The following THOC2 variants were observed in gnomAD, a reference collection of about 807,000 sequenced individuals.
THOC2 encodes THO complex 2.
A neutral mutation model predicts 128.4 loss-of-function variants in THOC2; 10 were observed. The observed-to-expected ratio is 0.08, with a 90% CI of 0.05 to 0.13. The LOEUF (loss-of-function observed/expected upper bound fraction) is 0.13. Among genes scored for constraint, THOC2 ranks in the 10% least tolerant of loss-of-function variants. THOC2 has a pLI of 1.00. For missense variants in THOC2, 535 were observed against 1,155.7 expected, an observed-to-expected ratio of 0.46 and a Z score of 7.79; for synonymous variants, 393 against 396.9, an observed-to-expected ratio of 0.99 and a Z score of 0.12.
Position 123,644,607 on chromosome X carries a change from A to G in THOC2, c.1629T>C (p.Ala543=). 8.3e-7 allele frequency: 1 copy of G among 1,203,296 alleles called. No homozygotes were observed. Residue 543 remains alanine, a synonymous_variant, in exon 15 of 39, where the codon GCT becomes GCC. Transcript: ENST00000245838. ...NSHPLLVKVK[A]QTIDRAKYIM... ...TATATTTGGCTCTGTCTATTGTTTGAGCTTTAACTTTTACTAAAAGTGGGT... is the reference window on the plus strand; with the variant it reads ...TATATTTGGCTCTGTCTATTGTTTGGGCTTTAACTTTTACTAAAAGTGGGT...
In THOC2 at chrX:123,727,583, T is replaced by C. The variant is rs2052048200; in HGVS notation, c.71+5369A>G. 2.7e-5 allele frequency among the ~76,000 whole-genome samples: 3 copies of C among 112,131 alleles called. No individual in the cohort carries two copies. The South Asian group carries it at 1.1e-3, about 41-fold the overall frequency. On this transcript the variant is annotated intron_variant, in intron 1 of 38. Coordinates refer to ENST00000245838, the MANE Select transcript of THOC2 (RefSeq NM_001081550.2). Reference sequence around the variant, plus strand: ...CCTTAATAACTTTCAAATACTTGAGTTTACCATTTTTCCACTTTTTAATTT... The same window carrying C: ...CCTTAATAACTTTCAAATACTTGAGCTTACCATTTTTCCACTTTTTAATTT...
chrX:123,632,659 C>T (rs2047531662), intron 21 of THOC2, among the ~76,000 whole-genome samples: 1 of 110,785 alleles, frequency 9.0e-6, no homozygotes, highest in Non-Finnish European at 1.9e-5. Context: ...AATTGACAGC[C>T]TTACATATAA....
intron 4 of THOC2, among the ~76,000 whole-genome samples, chrX:123,698,406 C>T (rs1198006219): frequency 9.7e-6 from 1 of 102,855 alleles, no homozygotes; most frequent in African/African-American, 3.6e-5. Flanking sequence ...TGCAGTGAGC[C>T]GAGATCGTGC....
intron 32 of THOC2, chrX:123,620,589 C>A (rs1288240014): frequency 1.9e-5 from 4 of 210,069 alleles, no homozygotes; most frequent in Non-Finnish European, 2.6e-5. Flanking sequence ...TGAAAAGATT[C>A]GTTTGCTTGT....
rs764007587 is a variant in THOC2, at chrX:123,696,702, A to T, written c.467+19T>A. ...CATACTCAGATACTTGATCTGCAAC[A>T]TAAGATACGTGTACTTACAAGAGTT... On this transcript the variant is annotated intron_variant, in intron 6 of 38. Coordinates refer to ENST00000245838, the MANE Select transcript of THOC2 (RefSeq NM_001081550.2). 8.4e-6 allele frequency: 10 copies of T among 1,191,118 alleles called. No homozygotes were observed. The highest frequency in any genetic ancestry group is 1.1e-5 in the Non-Finnish European group (10 of 886,061).
At chrX:123,665,212 C>A (rs2049002100) in intron 12 of THOC2, among the ~76,000 whole-genome samples, 2 of 111,720 alleles carry the variant, frequency 1.8e-5, no homozygotes, top group Admixed American at 1.9e-4. Flanking sequence ...TCATGGCTGT[C>A]CTAACATCTT....
intron 1 of THOC2, among the ~76,000 whole-genome samples, chrX:123,730,867 G>A (rs1209058258): frequency 3.6e-5 from 4 of 111,915 alleles, no homozygotes; most frequent in Non-Finnish European, 7.5e-5. Context: ...TCGCTTGAAC[G>A]TGGGAGGCGG....
chrX:123,627,418 C>G (rs770502714), intron 23 of THOC2, among the ~76,000 whole-genome samples: 3 of 111,596 alleles, frequency 2.7e-5, no homozygotes, highest in Non-Finnish European at 5.6e-5. Context: ...AGAACTACTG[C>G]TCTTGCTATT....
intron 12 of THOC2, among the ~76,000 whole-genome samples, chrX:123,661,363 C>T (rs1263190019): frequency 5.4e-5 from 6 of 110,339 alleles, no homozygotes; most frequent in Non-Finnish European, 7.6e-5. Flanking sequence ...CGAGGTCGCG[C>T]CATTGCACTC....
At position 123,627,680 on chromosome X, in the gene THOC2, A is replaced by G; in HGVS notation, c.2757+13T>C. 15 of 1,208,844 alleles carry G rather than the reference A, an allele frequency of 1.2e-5. No homozygotes were observed. Among genetic ancestry groups the G allele is most frequent in the Non-Finnish European group, 1.7e-5 (15 of 893,273 alleles). On this transcript the variant is annotated intron_variant, in intron 23 of 38. Coordinates refer to ENST00000245838, the MANE Select transcript of THOC2 (RefSeq NM_001081550.2). ...AAAGTTATTGCACTTGAACTACTAG[A>G]ACAAAAACCTACCATTTCCTGATTG...
intron 2 of THOC2, among the ~76,000 whole-genome samples, chrX:123,708,087 ATT>A (rs1032795039): frequency 1.0e-4 from 11 of 110,479 alleles, no homozygotes; most frequent in Admixed American, 3.9e-4. Flanking sequence ...TGATAGCACC[ATT>A]GTCTCAAAAA....
At chrX:123,603,492 G>C in intron 38 of THOC2, 1 of 537,267 alleles carries the variant, frequency 1.9e-6, no homozygotes, top group Non-Finnish European at 3.2e-6. Context: ...GGTGTATCTC[G>C]AGTAAAAAAT....
chrX:123,604,218 A>T (rs1033636319), intron 38 of THOC2, among the ~76,000 whole-genome samples: 1 of 111,935 alleles, frequency 8.9e-6, no homozygotes, highest in Non-Finnish European at 1.9e-5. Context: ...CATCACAGAC[A>T]CCTATTGGTG....
chrX:123,626,434 A>G (rs1453275059), intron 24 of THOC2, 87 bp downstream of exon 24: 3 of 965,857 alleles, frequency 3.1e-6, no homozygotes, highest in African/African-American at 4.0e-5. Context: ...AAATACAAAC[A>G]TAATACACTT....
chrX:123,644,396 G>A (rs2048044348), intron 15 of THOC2, among the ~76,000 whole-genome samples, 179 bp downstream of exon 15: 1 of 111,759 alleles, frequency 8.9e-6, no homozygotes, highest in East Asian at 2.8e-4. Context: ...CATTAACTTG[G>A]TAGTCAAAAT....
At chrX:123,691,431 T>C (rs757098727) in intron 7 of THOC2, among the ~76,000 whole-genome samples, 1 of 111,948 alleles carries the variant, frequency 8.9e-6, no homozygotes, top group South Asian at 3.7e-4. Context: ...GGACCCTATA[T>C]TCAGATTGAA....
chrX:123,708,656 T>C (rs1359625597), intron 2 of THOC2, among the ~76,000 whole-genome samples: 1 of 111,975 alleles, frequency 8.9e-6, no homozygotes, highest in Non-Finnish European at 1.9e-5. Context: ...AGAGAACAAG[T>C]GACCTGGGTC....
chrX:123,653,847 C>G (rs990017682), intron 12 of THOC2, among the ~76,000 whole-genome samples: 1 of 111,767 alleles, frequency 8.9e-6, no homozygotes, highest in African/African-American at 3.3e-5. Flanking sequence ...GACAGTGTGG[C>G]AATTCCTCAA....
At chrX:123,637,950 C>A in intron 18 of THOC2, 93 bp downstream of exon 18, 1 of 610,728 alleles carries the variant, frequency 1.6e-6, no homozygotes, top group South Asian at 3.4e-5. Context: ...AACAAATAGG[C>A]TTCTAAAAGT....
Sources: allele counts gnomAD v4.1 joint callset (sites outside exome capture counted in the v4.1 genomes callset), GRCh38; gene constraint gnomAD v4.1.1; transcripts MANE v1.5; gene names NCBI Gene and HGNC (gene_info 2026-07-23, HGNC 2026-07-21).